ATP6V0A4: variants seen among roughly 807,000 people sequenced by gnomAD.
The protein encoded by ATP6V0A4 is V-type proton ATPase 116 kDa subunit a 4.
A neutral mutation model predicts 107.3 loss-of-function variants in ATP6V0A4; 86 were observed. The ratio of observed to expected loss-of-function variants is 0.80; its 90% CI spans 0.67 to 0.96. The LOEUF (loss-of-function observed/expected upper bound fraction) is 0.96. Ranked by LOEUF, ATP6V0A4 falls within the 40% of genes least tolerant of loss-of-function variation. ATP6V0A4 has a pLI of 0.00. For missense variants in ATP6V0A4, 908 were observed against 1,045.6 expected (o/e 0.87, Z 1.81); for synonymous variants, 353 against 381.4 (o/e 0.93, Z 0.87).
chr7:138,769,551 G>A (rs934880336), intron 3 of ATP6V0A4, among the ~76,000 whole-genome samples: 2 of 152,070 alleles, frequency 1.3e-5, no homozygotes, highest in Non-Finnish European at 2.9e-5. Context: ...CTGACCTCAG[G>A]TGATCCGCCC....
rs112312551 is a variant in ATP6V0A4 at position 138,746,316 on chromosome 7, T to C, written c.1321-1036A>G. On this transcript the variant is annotated intron_variant, in intron 13 of 21. Transcript: ENST00000310018. The stretch of plus-strand genomic sequence containing the variant: ...AGAATAAAGTGCTTTCTCATAATAC[T>C]GAATAATGTGTGTCAATCATTCCAA... 2.7e-3 allele frequency among the ~76,000 whole-genome samples: 413 copies of C among 152,020 alleles called. 3 individuals are homozygous for C. Among genetic ancestry groups the C allele is most frequent in the Non-Finnish European group, 2.4e-3 (160 of 68,000 alleles).
intron 17 of ATP6V0A4, among the ~76,000 whole-genome samples, chr7:138,730,338 ATGAG>A (rs1334864862): frequency 1.1e-4 from 11 of 101,326 alleles, no homozygotes. Context: ...AAGCAACGGG[ATGAG>A]TGTGTGTGTG....
intron 1 of ATP6V0A4, among the ~76,000 whole-genome samples, chr7:138,796,897 C>T (rs78320302): frequency 3.3e-3 from 510 of 152,294 alleles, no homozygotes; most frequent in African/African-American, 0.011. Flanking sequence ...ATGTTTTAGA[C>T]GGAATGCAGA....
At chr7:138,737,412 C>A (rs138053350) in intron 15 of ATP6V0A4, among the ~76,000 whole-genome samples, 1 of 151,692 alleles carries the variant, frequency 6.6e-6, no homozygotes, top group Non-Finnish European at 1.5e-5. Context: ...CATTGTGTGG[C>A]CTCCCCACAC....
At chr7:138,709,572 C>G in intron 21 of ATP6V0A4, 52 bp downstream of exon 21, 8 of 1,577,338 alleles carry the variant, frequency 5.1e-6, no homozygotes, top group Non-Finnish European at 7.0e-6. Context: ...GCCCCACAGC[C>G]CACTCCCTTT....
At chr7:138,763,503 C>T (rs187892756) in intron 5 of ATP6V0A4, among the ~76,000 whole-genome samples, 1 of 152,092 alleles carries the variant, frequency 6.6e-6, no homozygotes, top group East Asian at 1.9e-4. Context: ...TGGCACACAC[C>T]TGTAATCCCA....
At chr7:138,778,364 C>G (rs1490808098) in intron 2 of ATP6V0A4, among the ~76,000 whole-genome samples, 1 of 144,500 alleles carries the variant, frequency 6.9e-6, no homozygotes, top group African/African-American at 2.5e-5. Context: ...GTCTCAAAAA[C>G]AAAAAAAAAA....
rs944090413 is a variant in ATP6V0A4, at chr7:138,714,582, ACAGG to A, written c.2257+1178_2257+1181del. Among the ~76,000 whole-genome samples the A allele has an allele frequency of 2.1e-5, 3 of 142,922 alleles. No individual in the cohort carries two copies. In the East Asian group the frequency reaches 6.3e-4, roughly 30 times the overall value. 93.8% of individuals were successfully genotyped at this position (142,922 alleles called of 152,430 possible). A position where few individuals can be genotyped will look rare whatever the true frequency, so the allele number is the denominator to read the frequency against. On this transcript the variant is annotated intron_variant, in intron 20 of 21. Transcript: ENST00000310018. ...GATAGACAGACAGACAGACAGACAG[ACAGG>A]CAGATGATAGATAGATAGATACAAT...
intron 13 of ATP6V0A4, among the ~76,000 whole-genome samples, chr7:138,747,073 T>C (rs1445693855): frequency 6.6e-6 from 1 of 152,208 alleles, no homozygotes; most frequent in Admixed American, 6.5e-5. Flanking sequence ...AAAGCATTCA[T>C]GGTGATTTTT....
intron 2 of ATP6V0A4, among the ~76,000 whole-genome samples, chr7:138,784,263 T>C (rs1302450982): frequency 0.25 from 13,804 of 55,806 alleles, 1,277 homozygotes; most frequent in African/African-American, 0.32. Context: ...CATATATATA[T>C]ATACATATAT....
At chr7:138,726,344 A>G (rs1375012503) in intron 18 of ATP6V0A4, among the ~76,000 whole-genome samples, 1 of 152,198 alleles carries the variant, frequency 6.6e-6, no homozygotes, top group East Asian at 1.9e-4. Flanking sequence ...ATGTGGGAGT[A>G]TGGGGGGACC....
intron 1 of ATP6V0A4, among the ~76,000 whole-genome samples, chr7:138,794,125 A>C (rs1412348734): frequency 6.6e-6 from 1 of 152,150 alleles, no homozygotes; most frequent in East Asian, 1.9e-4. Context: ...GTCCACATCT[A>C]GATGTTTCGG....
rs554567139 is a variant in ATP6V0A4 at position 138,777,119 on chromosome 7, A to G, written c.-17-5855T>C. On this transcript the variant is annotated intron_variant, in intron 2 of 21. Coordinates refer to ENST00000310018, the MANE Select transcript of ATP6V0A4 (RefSeq NM_020632.3). ...AGCCGAGATCGCACCACAGCACTCCAGCCTAAAAGACACAGCGAGACTCCG... is the reference window on the plus strand; with the variant it reads ...AGCCGAGATCGCACCACAGCACTCCGGCCTAAAAGACACAGCGAGACTCCG... 1.5e-3 allele frequency among the ~76,000 whole-genome samples: 220 copies of G among 151,112 alleles called. 2 individuals are homozygous for G. Among genetic ancestry groups the G allele is most frequent in the African/African-American group, 5.2e-3 (215 of 41,202 alleles).
rs777450778 is a variant in ATP6V0A4 at position 138,755,710 on chromosome 7, C to T, written c.795G>A (p.Val265=). The part of the protein sequence containing the change: ...ERREMLESVN[V]RLEDLITVIT... Reference sequence around the variant, plus strand: ...TCACGGTGATTAAATCTTCCAGCCTCACATTGACGCTCTCCAACATCTCTC... The same window carrying T: ...TCACGGTGATTAAATCTTCCAGCCTTACATTGACGCTCTCCAACATCTCTC... The change falls in exon 10 of 22, where the codon GTG becomes GTA. Residue 265 remains valine (V), a synonymous_variant. Transcript: ENST00000310018. 6.2e-7 allele frequency: 1 copy of T among 1,613,926 alleles called. No homozygotes were observed. Among genetic ancestry groups the T allele is most frequent in the Non-Finnish European group, 8.5e-7 (1 of 1,180,024 alleles).
intron 18 of ATP6V0A4, 38 bp downstream of exon 18, chr7:138,728,723 T>C (rs1804837980): frequency 1.2e-6 from 2 of 1,613,034 alleles, no homozygotes; most frequent in Admixed American, 3.3e-5. Context: ...CCCACATTCT[T>C]ATGCAAAGTA....
chr7:138,751,447 G>A (rs567760688), intron 11 of ATP6V0A4, among the ~76,000 whole-genome samples: 2 of 152,026 alleles, frequency 1.3e-5, no homozygotes, highest in South Asian at 2.1e-4. Flanking sequence ...TAGGGCAGGA[G>A]GGGGTCCCTC....
intron 2 of ATP6V0A4, 187 bp from the exon 3 acceptor site, chr7:138,771,451 G>T (rs1267350432): frequency 1.3e-5 from 3 of 234,376 alleles, no homozygotes; most frequent in East Asian, 1.9e-4. Flanking sequence ...GCCTGGGCTC[G>T]AATGCAGTGG....
intron 15 of ATP6V0A4, among the ~76,000 whole-genome samples, chr7:138,737,472 G>C (rs1003219072): frequency 1.3e-5 from 2 of 151,738 alleles, no homozygotes; most frequent in Non-Finnish European, 2.9e-5. Flanking sequence ...TTTATCACCA[G>C]CATGAAAAGG....
intron 9 of ATP6V0A4, chr7:138,756,006 C>T: frequency 1.4e-6 from 1 of 735,008 alleles, no homozygotes; most frequent in Non-Finnish European, 2.2e-6. Context: ...GAATGAGCTT[C>T]ATTCAAACCA....
Sources: gnomAD v4.1 joint callset for allele counts (sites outside exome capture counted in the v4.1 genomes callset) on GRCh38, gnomAD v4.1.1 for gene constraint, MANE v1.5 for transcripts, NCBI Gene and HGNC (gene_info 2026-07-23, HGNC 2026-07-21) for gene names.